The following PDE11A variants were observed in gnomAD, a reference collection of about 807,000 sequenced individuals.
The protein encoded by PDE11A is phosphodiesterase 11A.
Under a neutral mutation model 100.5 loss-of-function variants are expected in PDE11A, and 100 were observed. The observed-to-expected ratio is 1.00, with a 90% confidence interval of 0.85 to 1.18. The LOEUF is 1.18. Among genes scored for constraint, PDE11A ranks in the 50% most tolerant of loss-of-function variants. The probability of loss-of-function intolerance (pLI) is 0.00; values close to 1 mark genes in which losing one functional copy is unlikely to be tolerated. For synonymous variants in PDE11A, 381 were observed against 420.8 expected (o/e 0.91, Z 1.16); for missense variants, 1,141 against 1,152.6 (o/e 0.99, Z 0.15).
intron 2 of PDE11A, among the ~76,000 whole-genome samples, chr2:178,098,574 T>C (rs764981143): frequency 6.6e-6 from 1 of 152,208 alleles, no homozygotes; most frequent in Non-Finnish European, 1.5e-5. Context: ...AATCTAATTG[T>C]AGAGGCACAT....
chr2:177,805,928 C>A (rs2082862248), intron 9 of PDE11A, among the ~76,000 whole-genome samples: 1 of 152,140 alleles, frequency 6.6e-6, no homozygotes, highest in Non-Finnish European at 1.5e-5. Context: ...AAATAAAATT[C>A]CAGTCAAGAG....
intron 12 of PDE11A, among the ~76,000 whole-genome samples, chr2:177,717,463 T>C (rs1416272459): frequency 5.9e-5 from 9 of 152,220 alleles, no homozygotes; most frequent in Non-Finnish European, 7.3e-5. Flanking sequence ...CATTCTTGAC[T>C]CTGGTTTATT....
At chr2:178,070,085 C>T (rs2087105678) in intron 1 of PDE11A, among the ~76,000 whole-genome samples, 1 of 152,068 alleles carries the variant, frequency 6.6e-6, no homozygotes, top group African/African-American at 2.4e-5. Flanking sequence ...ATAGAATCTT[C>T]AACATATGAA....
chr2:177,683,244 G>T (rs1277242968), intron 15 of PDE11A: 4 of 152,202 alleles, frequency 2.6e-5, no homozygotes, highest in African/African-American at 9.7e-5. Context: ...GATGATGCAG[G>T]TCAAGGCCAT....
chr2:177,728,713 T>C (rs1036449653), intron 10 of PDE11A, among the ~76,000 whole-genome samples: 1 of 152,208 alleles, frequency 6.6e-6, no homozygotes, highest in Non-Finnish European at 1.5e-5. Context: ...GTGGGAAATA[T>C]GTTGCCTTAA....
At chr2:177,643,092 T>A (rs1433815139) in intron 19 of PDE11A, among the ~76,000 whole-genome samples, 1 of 152,220 alleles carries the variant, frequency 6.6e-6, no homozygotes, top group East Asian at 1.9e-4. Context: ...GGTATGTCTT[T>A]ATCAGCAGTG....
intron 10 of PDE11A, among the ~76,000 whole-genome samples, chr2:177,737,431 A>G (rs1559167014): frequency 6.9e-6 from 1 of 145,004 alleles, no homozygotes. Context: ...ACACACACAC[A>G]TACACACACA....
chr2:177,853,658 ATATATATATATATATATATATATG>A (rs1457068222), intron 5 of PDE11A, among the ~76,000 whole-genome samples: 2 of 28,544 alleles, frequency 7.0e-5, no homozygotes, highest in South Asian at 1.6e-3. Context: ...ATATATATAT[ATATATATATATATATATATATATG>A]TGTGTGTGTG....
At chr2:177,647,172 T>C (rs2080234737) in intron 19 of PDE11A, among the ~76,000 whole-genome samples, 1 of 152,222 alleles carries the variant, frequency 6.6e-6, no homozygotes. Context: ...TACCATCACC[T>C]GAAATTTCAT....
intron 2 of PDE11A, among the ~76,000 whole-genome samples, chr2:177,921,095 T>C (rs2105753708): frequency 7.9e-6 from 1 of 126,076 alleles, no homozygotes; most frequent in East Asian, 2.3e-4. Flanking sequence ...AAAATAACTT[T>C]TTTTTTTTTT....
rs115448506 is a variant in PDE11A at position 177,719,832 on chromosome 2, T to C, written c.2043+7826A>G. On this transcript the variant is annotated intron_variant, in intron 12 of 19. Transcript: ENST00000286063. Reference sequence around the variant, plus strand: ...CAGCCAAAAAAGTGCTCTTTGAAGGTTTCATTGTAAATGCCACAAACAAGA... The same window carrying C: ...CAGCCAAAAAAGTGCTCTTTGAAGGCTTCATTGTAAATGCCACAAACAAGA... 6.0e-3 allele frequency among the ~76,000 whole-genome samples: 915 copies of C among 152,248 alleles called. 5 individuals carry two copies. The highest frequency in any genetic ancestry group is 0.021 in the African/African-American group (871 of 41,532).
chr2:177,816,951 A>G, intron 8 of PDE11A, 30 bp from the exon 9 acceptor site: 1 of 1,348,414 alleles, frequency 7.4e-7, no homozygotes, highest in Non-Finnish European at 1.1e-6. Context: ...CTAATTAAAC[A>G]TTGCAGCAAC....
chr2:178,036,597 A>G (rs2105845285), intron 1 of PDE11A, among the ~76,000 whole-genome samples: 1 of 152,184 alleles, frequency 6.6e-6, no homozygotes, highest in African/African-American at 2.4e-5. Flanking sequence ...AAAGCTGGAC[A>G]TGTCATGCTA....
intron 17 of PDE11A, among the ~76,000 whole-genome samples, chr2:177,672,196 A>G (rs1198575301): frequency 1.3e-5 from 2 of 152,222 alleles, no homozygotes; most frequent in African/African-American, 4.8e-5. Context: ...TGTGGAAAGA[A>G]GCTAGTCAAC....
At chr2:177,831,420 C>T (rs1448928307) in intron 6 of PDE11A, among the ~76,000 whole-genome samples, 6 of 152,204 alleles carry the variant, frequency 3.9e-5, no homozygotes, top group African/African-American at 4.8e-5. Flanking sequence ...AGGAAAGACA[C>T]AGAAATTAGA....
chr2:177,837,052 A>G (rs1388494824), intron 6 of PDE11A, among the ~76,000 whole-genome samples: 2 of 152,248 alleles, frequency 1.3e-5, no homozygotes, highest in African/African-American at 4.8e-5. Context: ...CTGACGTGCC[A>G]GCAAAAGGGT....
chr2:177,698,397 T>G (rs2081148258), intron 14 of PDE11A: 1 of 152,218 alleles, frequency 6.6e-6, no homozygotes. Context: ...TCACTTAGTT[T>G]GTTTTTAAAG....
At chr2:177,753,013 G>A (rs1218034729) in intron 10 of PDE11A, among the ~76,000 whole-genome samples, 1 of 152,168 alleles carries the variant, frequency 6.6e-6, no homozygotes, top group Non-Finnish European at 1.5e-5. Flanking sequence ...CTCTGAACTG[G>A]GAAAGAGCAG....
chr2:177,717,385 G>A (rs1186258799), intron 12 of PDE11A, among the ~76,000 whole-genome samples: 3 of 151,224 alleles, frequency 2.0e-5, no homozygotes, highest in African/African-American at 7.3e-5. Flanking sequence ...TCAACTGCCT[G>A]CTGAAGACAA....
Sources: gnomAD v4.1 joint callset for allele counts (sites outside exome capture counted in the v4.1 genomes callset) on GRCh38, gnomAD v4.1.1 for gene constraint, MANE v1.5 for transcripts, NCBI Gene and HGNC (gene_info 2026-07-23, HGNC 2026-07-21) for gene names.